MLXIPL: variants seen among roughly 807,000 people sequenced by gnomAD.
MLXIPL encodes carbohydrate-responsive element-binding protein.
In MLXIPL, 49 loss-of-function variants were observed where a neutral mutation model predicts 81.5. The ratio of observed to expected loss-of-function variants is 0.60; its 90% CI spans 0.48 to 0.76. MLXIPL has a LOEUF of 0.76. MLXIPL is among the 30% of genes least tolerant of loss of function. The pLI, the probability that MLXIPL is intolerant of heterozygous loss-of-function variation, is 0.00. For synonymous variants in MLXIPL, 466 were observed against 485.5 expected, an observed-to-expected ratio of 0.96 and a Z score of 0.53; for missense variants, 1,053 against 1,167.0, an observed-to-expected ratio of 0.90 and a Z score of 1.42.
At chr7:73,600,062 C>A (rs1341886859) in intron 7 of MLXIPL, among the ~76,000 whole-genome samples, 1 of 151,724 alleles carries the variant, frequency 6.6e-6, no homozygotes, top group East Asian at 2.0e-4. Flanking sequence ...AAAGGGGGTG[C>A]CCAGAGCGAG....
At chr7:73,627,497 C>A (rs1265036817), upstream of MLXIPL, among the ~76,000 whole-genome samples, 1 of 152,166 alleles carries the variant, frequency 6.6e-6, no homozygotes, top group Non-Finnish European at 1.5e-5. Context: ...GATCCACCTG[C>A]CTCAGCCTCC....
At chr7:73,639,719 G>A in the MLXIPL span, among the ~76,000 whole-genome samples, 1 of 152,130 alleles carries the variant, frequency 6.6e-6, no homozygotes, top group Non-Finnish European at 1.5e-5. Context: ...TATTATTATA[G>A]GTGTAGGAAT....
intron 8 of MLXIPL, among the ~76,000 whole-genome samples, chr7:73,598,291 C>T (rs937893550): frequency 3.9e-5 from 6 of 152,258 alleles, no homozygotes; most frequent in Admixed American, 6.5e-5. Context: ...CTCTCTCCAC[C>T]AGCCTACCAG....
At chr7:73,617,491 A>G (rs1335710253) in intron 1 of MLXIPL, among the ~76,000 whole-genome samples, 5 of 152,142 alleles carry the variant, frequency 3.3e-5, no homozygotes, top group Admixed American at 3.3e-4. Context: ...GGCCGCTAGG[A>G]TGAGCAAATG....
intron 7 of MLXIPL, among the ~76,000 whole-genome samples, chr7:73,603,635 C>G (rs799159): frequency 0.012 from 1,875 of 152,312 alleles, 34 homozygotes; most frequent in African/African-American, 0.043. Context: ...AGCTTTATCC[C>G]AGGGACCCTC....
intron 9 of MLXIPL, 66 bp downstream of exon 9, chr7:73,597,115 AC>A: frequency 2.0e-6 from 3 of 1,506,918 alleles, no homozygotes; most frequent in Non-Finnish European, 1.8e-6. Flanking sequence ...TGCTCCCAAA[AC>A]CCCCTGTCCT....
At chr7:73,646,322 A>G in the MLXIPL span, among the ~76,000 whole-genome samples, 2 of 152,138 alleles carry the variant, frequency 1.3e-5, no homozygotes. Flanking sequence ...CCACTCTTCC[A>G]TCCCACTCTA....
chr7:73,638,512 C>G, the MLXIPL span, among the ~76,000 whole-genome samples: 1 of 152,170 alleles, frequency 6.6e-6, no homozygotes, highest in Non-Finnish European at 1.5e-5. Context: ...AAACTCTTGA[C>G]CTCAGGTGAT....
At chr7:73,606,487 G>A (rs1023557281) in intron 5 of MLXIPL, 33 of 329,392 alleles carry the variant, frequency 1.0e-4, no homozygotes, top group Admixed American at 7.7e-4. Context: ...GTGCAGTGGC[G>A]CAATCTCAGC....
Position 73,616,102 on chromosome 7 carries a change from GT to G in MLXIPL, c.368del (p.Asn123ThrfsTer13). 6.2e-7 allele frequency: 1 copy of G among 1,614,054 alleles called. No homozygotes were observed. The highest frequency in any genetic ancestry group is 8.5e-7 in the Non-Finnish European group (1 of 1,180,020). On this transcript the variant is annotated frameshift_variant, in exon 2 of 17. Transcript: ENST00000313375. LOFTEE classifies it high-confidence loss of function. ...KLLCRDKIRL[N>X]NAIWRAWYIQ... Reference sequence around the variant, plus strand: ...TATACCAGGCCCTCCAGATGGCGTTGTTCAGGCGGATCTTGTCTCTGCAGAG... The same window carrying G: ...TATACCAGGCCCTCCAGATGGCGTTGTCAGGCGGATCTTGTCTCTGCAGAG...
chr7:73,618,916 C>T (rs1796154099), intron 1 of MLXIPL, among the ~76,000 whole-genome samples: 1 of 152,134 alleles, frequency 6.6e-6, no homozygotes, highest in African/African-American at 2.4e-5. Context: ...ATGGCCCAGG[C>T]AGGGTTAGAG....
upstream of MLXIPL, among the ~76,000 whole-genome samples, chr7:73,628,738 G>T (rs35340690): frequency 6.6e-6 from 1 of 152,120 alleles, no homozygotes; most frequent in Non-Finnish European, 1.5e-5. Context: ...GCTGGCTCAC[G>T]CTCTTGCTGC....
At chr7:73,630,418 G>A in the MLXIPL span, among the ~76,000 whole-genome samples, 1 of 147,024 alleles carries the variant, frequency 6.8e-6, no homozygotes, top group Non-Finnish European at 1.5e-5. Flanking sequence ...TAAACCTCCC[G>A]AGTAGTTGGG....
intron 1 of MLXIPL, among the ~76,000 whole-genome samples, chr7:73,619,136 C>T (rs1243072043): frequency 2.6e-5 from 4 of 152,062 alleles, no homozygotes; most frequent in African/African-American, 9.7e-5. Context: ...TCAGCATGGG[C>T]AACATAGTGC....
chr7:73,631,118 C>T, the MLXIPL span, among the ~76,000 whole-genome samples: 1 of 151,950 alleles, frequency 6.6e-6, no homozygotes, highest in East Asian at 1.9e-4. Context: ...ATGCCATTCT[C>T]CTGACTCAGC....
At chr7:73,619,901 GC>G (rs1475277476) in intron 1 of MLXIPL, among the ~76,000 whole-genome samples, 1 of 152,084 alleles carries the variant, frequency 6.6e-6, no homozygotes, top group Non-Finnish European at 1.5e-5. Flanking sequence ...CTGCACTCCA[GC>G]CTGGGCGACA....
At chr7:73,616,211 T>C (rs1554600750) in intron 1 of MLXIPL, 34 bp from the exon 2 acceptor site, 4 of 1,536,048 alleles carry the variant, frequency 2.6e-6, no homozygotes, top group Non-Finnish European at 3.6e-6. Context: ...GTTAGGGAGA[T>C]GCAGTGCTGC....
chr7:73,624,617 G>T (rs1459884050), upstream of MLXIPL: 2 of 1,380,256 alleles, frequency 1.4e-6, no homozygotes, highest in Non-Finnish European at 1.9e-6. Context: ...GGCGGGGCCT[G>T]GGACGGGGCG....
chr7:73,607,636 A>G lies in MLXIPL; in HGVS notation c.437T>C (p.Val146Ala), dbSNP rs782316952. The change falls in exon 3 of 17, where the codon GTG becomes GCG. Residue 146 changes from valine (V) to alanine (A), a missense_variant. By Grantham distance (64) the Val-to-Ala change is moderately conservative. Around this residue, in one of 3 missense-constraint regions of MLXIPL, gnomAD observed 226 missense variants for 216.2 expected, o/e 1.05. Coordinates refer to ENST00000313375, the MANE Select transcript of MLXIPL (RefSeq NM_032951.3). ...KRRKSPVCGF[V>A]TPLQGPEADA... ...AGCCTCAGGCCCCTGCAGGGGGGTC[A>G]CGAAGCCACACACGGGGCTCTTCCT... 1 of 1,613,502 alleles carries G rather than the reference A, an allele frequency of 6.2e-7. No homozygotes were observed. The highest frequency in any genetic ancestry group is 1.7e-4 in the Middle Eastern group (1 of 6,044).
Sources: allele counts gnomAD v4.1 joint callset (sites outside exome capture counted in the v4.1 genomes callset), GRCh38; gene constraint gnomAD v4.1.1; regional missense constraint gnomAD v4.1.1; transcripts MANE v1.5; gene names NCBI Gene and HGNC (gene_info 2026-07-23, HGNC 2026-07-21).